The following NFIA variants were observed in gnomAD, a reference collection of about 807,000 sequenced individuals.
The protein encoded by NFIA is nuclear factor I A, also known as nuclear factor 1 A-type.
NFIA carries 8 observed loss-of-function variants against 62.8 expected under a neutral mutation model. That is an observed-to-expected ratio of 0.13 (90% CI 0.07 to 0.23). NFIA has a LOEUF of 0.23. Among genes scored for constraint, NFIA ranks in the 10% least tolerant of loss-of-function variants. The pLI is 1.00. For synonymous variants in NFIA, 235 were observed against 238.1 expected (o/e 0.99, Z 0.12); for missense variants, 410 against 642.1 (o/e 0.64, Z 3.91).
At chr1:61,156,421 T>C (rs1648824584) in intron 2 of NFIA, among the ~76,000 whole-genome samples, 1 of 152,206 alleles carries the variant, frequency 6.6e-6, no homozygotes, top group Non-Finnish European at 1.5e-5. Flanking sequence ...ATTACTTTTG[T>C]GGCAAAGGCA....
At chr1:61,168,751 T>C (rs538934680) in intron 2 of NFIA, among the ~76,000 whole-genome samples, 14 of 152,356 alleles carry the variant, frequency 9.2e-5, no homozygotes, top group Admixed American at 8.5e-4. Context: ...AATTAAGCCC[T>C]GGCTATAGCA....
chr1:61,182,653 T>G (rs1408784469), intron 2 of NFIA, among the ~76,000 whole-genome samples: 1 of 152,222 alleles, frequency 6.6e-6, no homozygotes, highest in African/African-American at 2.4e-5. Context: ...CATAACAGTT[T>G]GGCTTGCTTT....
chr1:61,200,169 G>A (rs10889213), intron 2 of NFIA, among the ~76,000 whole-genome samples: 43,649 of 149,318 alleles, frequency 0.29, 7,129 homozygotes, highest in East Asian at 0.52. Context: ...AGGAGGCAGT[G>A]CAGTCATTAG....
chr1:61,213,451 G>C (rs776107151), intron 2 of NFIA, among the ~76,000 whole-genome samples: 3 of 152,196 alleles, frequency 2.0e-5, no homozygotes, highest in Non-Finnish European at 4.4e-5. Context: ...CCCTGTTCAT[G>C]ATGGGCCTGT....
At chr1:61,136,092 T>C (rs1307723930) in intron 2 of NFIA, among the ~76,000 whole-genome samples, 1 of 152,236 alleles carries the variant, frequency 6.6e-6, no homozygotes, top group Non-Finnish European at 1.5e-5. Flanking sequence ...ATGCATTCTT[T>C]TCGGAAACCT....
chr1:61,231,875 A>C (rs181872193), intron 2 of NFIA, among the ~76,000 whole-genome samples: 362 of 152,040 alleles, frequency 2.4e-3, no homozygotes, highest in Middle Eastern at 6.8e-3. Flanking sequence ...ACAACAACAA[A>C]AAAAAACAAA....
intron 3 of NFIA, among the ~76,000 whole-genome samples, chr1:61,323,006 C>T (rs532816166): frequency 6.6e-6 from 1 of 152,224 alleles, no homozygotes; most frequent in East Asian, 1.9e-4. Flanking sequence ...AACAAAAAAA[C>T]ACAGATTAGG....
At chr1:61,380,871 A>G (rs569037742) in intron 6 of NFIA, among the ~76,000 whole-genome samples, 1 of 152,248 alleles carries the variant, frequency 6.6e-6, no homozygotes, top group East Asian at 1.9e-4. Flanking sequence ...CTTGTTTACC[A>G]ACTTGGTCAT....
chr1:61,275,754 C>T (rs908970448), intron 2 of NFIA, among the ~76,000 whole-genome samples: 12 of 152,208 alleles, frequency 7.9e-5, no homozygotes, highest in African/African-American at 2.9e-4. Context: ...GCATGTCTTT[C>T]TCCTAAAATA....
At chr1:61,416,730 T>G (rs183398199) in intron 9 of NFIA, among the ~76,000 whole-genome samples, 1 of 152,262 alleles carries the variant, frequency 6.6e-6, no homozygotes, top group African/African-American at 2.4e-5. Flanking sequence ...TTAGTTGCAT[T>G]TGTTATTATA....
intron 2 of NFIA, among the ~76,000 whole-genome samples, chr1:61,133,779 G>C (rs1647125173): frequency 1.3e-5 from 2 of 152,142 alleles, no homozygotes; most frequent in South Asian, 4.1e-4. Flanking sequence ...GCTGTAGTGG[G>C]CTACGATTGT....
intron 2 of NFIA, among the ~76,000 whole-genome samples, chr1:61,156,657 C>A (rs1431278333): frequency 1.3e-5 from 2 of 152,150 alleles, no homozygotes; most frequent in Non-Finnish European, 2.9e-5. Flanking sequence ...TCGAAAGAGA[C>A]CTTTTGACTG....
chr1:61,396,017 C>A (rs1026570537), intron 7 of NFIA, among the ~76,000 whole-genome samples: 1 of 152,096 alleles, frequency 6.6e-6, no homozygotes, highest in African/African-American at 2.4e-5. Flanking sequence ...AGACTGAATT[C>A]TATACATCCA....
At chr1:61,174,263 A>G (rs578002106) in intron 2 of NFIA, among the ~76,000 whole-genome samples, 2 of 152,320 alleles carry the variant, frequency 1.3e-5, no homozygotes, top group South Asian at 4.1e-4. Flanking sequence ...TTTGAAACAC[A>G]TGCGCTCTCA....
intron 3 of NFIA, among the ~76,000 whole-genome samples, chr1:61,282,894 T>TTA (rs60524326): frequency 0.066 from 10,116 of 152,308 alleles, 359 homozygotes; most frequent in East Asian, 0.13. Flanking sequence ...TCCTTTAGGT[T>TTA]TAATCATGTT....
Position 61,228,378 on chromosome 1 carries a change from C to T in NFIA, c.560-49142C>T, listed in dbSNP as rs980141914. Among the ~76,000 whole-genome samples, 10 of 152,262 alleles carry T rather than the reference C, an allele frequency of 6.6e-5. No individual in the cohort carries two copies. In the East Asian group the frequency reaches 9.7e-4, roughly 15 times the overall value. On this transcript the variant is annotated intron_variant, in intron 2 of 10. Transcript: ENST00000403491. ...GACAGAGCTGGGGGAAGTGTCCCAG[C>T]GGGTTTTTGCAGTCTGTCAGAGGAG...
At chr1:61,375,523 A>C (rs909540932) in intron 6 of NFIA, among the ~76,000 whole-genome samples, 1 of 152,216 alleles carries the variant, frequency 6.6e-6, no homozygotes, top group African/African-American at 2.4e-5. Context: ...GATAAGATAC[A>C]TAAGTAGTAC....
chr1:61,346,267 C>A (rs1662221053), intron 4 of NFIA, among the ~76,000 whole-genome samples: 1 of 152,170 alleles, frequency 6.6e-6, no homozygotes, highest in Admixed American at 6.5e-5. Context: ...CTAACATCTC[C>A]ACATTTGATT....
intron 2 of NFIA, among the ~76,000 whole-genome samples, chr1:61,118,412 G>T (rs1273240229): frequency 6.6e-6 from 1 of 152,144 alleles, no homozygotes. Context: ...TAGATACTGG[G>T]AGTACAGCAG....
Sources: gnomAD v4.1 joint callset for allele counts (sites outside exome capture counted in the v4.1 genomes callset) on GRCh38, gnomAD v4.1.1 for gene constraint, MANE v1.5 for transcripts, NCBI Gene and HGNC (gene_info 2026-07-23, HGNC 2026-07-21) for gene names.